Variants in GABRG3 observed in about 807,000 individuals in gnomAD.
GABRG3 encodes gamma-aminobutyric acid type A receptor subunit gamma3, also known as gamma-aminobutyric acid receptor subunit gamma-3.
Under a neutral mutation model 48.8 loss-of-function variants are expected in GABRG3, and 25 were observed. The observed-to-expected ratio is 0.51, with a 90% CI of 0.37 to 0.72. GABRG3 has a LOEUF of 0.72. Ranked by LOEUF, GABRG3 falls within the 30% of genes least tolerant of loss-of-function variation. The pLI is 0.00. For missense variants in GABRG3, 394 were observed against 577.9 expected, an observed-to-expected ratio of 0.68 and a Z score of 3.26; for synonymous variants, 227 against 217.6, an observed-to-expected ratio of 1.04 and a Z score of -0.38.
At chr15:27,043,908 G>A (rs879366016) in intron 3 of GABRG3, among the ~76,000 whole-genome samples, 11 of 152,158 alleles carry the variant, frequency 7.2e-5, no homozygotes, top group East Asian at 1.9e-4. Flanking sequence ...TTCCAGAGCC[G>A]TCTCCTGCCT....
At chr15:27,195,367 C>T (rs1051343668) in intron 3 of GABRG3, among the ~76,000 whole-genome samples, 4 of 152,202 alleles carry the variant, frequency 2.6e-5, no homozygotes, top group African/African-American at 9.6e-5. Context: ...CTGTCTCACT[C>T]TGTCACCAGG....
chr15:27,010,869 G>A (rs1408297023), intron 2 of GABRG3, among the ~76,000 whole-genome samples: 2 of 152,040 alleles, frequency 1.3e-5, no homozygotes, highest in Admixed American at 1.3e-4. Flanking sequence ...TTTTTGATAT[G>A]GAGTGTCACT....
At chr15:27,273,451 A>G (rs1401548253) in intron 3 of GABRG3, among the ~76,000 whole-genome samples, 2 of 152,220 alleles carry the variant, frequency 1.3e-5, no homozygotes, top group Admixed American at 6.5e-5. Flanking sequence ...ATCCATCACT[A>G]CCAAGACATT....
At chr15:27,062,026 G>A (rs2140723858) in intron 3 of GABRG3, among the ~76,000 whole-genome samples, 1 of 152,296 alleles carries the variant, frequency 6.6e-6, no homozygotes, top group East Asian at 1.9e-4. Flanking sequence ...GCCTTCTGGA[G>A]TGCTACAGAA....
intron 5 of GABRG3, among the ~76,000 whole-genome samples, chr15:27,461,124 G>T (rs1889435249): frequency 6.6e-6 from 1 of 152,150 alleles, no homozygotes; most frequent in Admixed American, 6.5e-5. Context: ...GGGTCCCGCA[G>T]TTCAAGATGT....
chr15:27,429,009 A>G (rs1226954821), intron 5 of GABRG3, among the ~76,000 whole-genome samples: 3 of 152,256 alleles, frequency 2.0e-5, no homozygotes, highest in Admixed American at 2.0e-4. Flanking sequence ...ACTGATGAAT[A>G]TATTTTAAAA....
intron 5 of GABRG3, among the ~76,000 whole-genome samples, chr15:27,472,397 T>C (rs903284109): frequency 6.6e-6 from 1 of 152,172 alleles, no homozygotes; most frequent in Non-Finnish European, 1.5e-5. Context: ...AGCCTCAACC[T>C]CCTGAGTAGC....
chr15:27,192,988 C>CTGGATAT (rs1888372603), intron 3 of GABRG3, among the ~76,000 whole-genome samples: 1 of 152,184 alleles, frequency 6.6e-6, no homozygotes, highest in East Asian at 1.9e-4. Flanking sequence ...CCACTCCAGA[C>CTGGATAT]CCTGTTTGCC....
intron 3 of GABRG3, among the ~76,000 whole-genome samples, chr15:27,256,411 AG>A (rs777302250): frequency 1.9e-3 from 273 of 147,234 alleles, no homozygotes; most frequent in Non-Finnish European, 2.8e-3. Context: ...ACTGCACTCC[AG>A]CCTGGGCGAC....
At chr15:27,437,023 GA>G (rs1888636822) in intron 5 of GABRG3, among the ~76,000 whole-genome samples, 2 of 151,328 alleles carry the variant, frequency 1.3e-5, no homozygotes, top group South Asian at 2.1e-4. Context: ...GAGAGAGAGA[GA>G]GAGAGAGAGC....
chr15:27,207,033 T>C (rs34467119), intron 3 of GABRG3, among the ~76,000 whole-genome samples: 40,669 of 152,092 alleles, frequency 0.27, 6,134 homozygotes, highest in South Asian at 0.45. Context: ...GAGTGGGGTG[T>C]TTAGTCCATT....
chr15:27,475,805 AATG>A (rs1016115530), intron 5 of GABRG3, among the ~76,000 whole-genome samples: 10 of 151,116 alleles, frequency 6.6e-5, no homozygotes, highest in South Asian at 6.3e-4. Flanking sequence ...TGATGATGGT[AATG>A]ATGATTATGA....
intron 3 of GABRG3, among the ~76,000 whole-genome samples, chr15:27,325,732 C>T (rs1294361229): frequency 6.6e-6 from 1 of 151,930 alleles, no homozygotes; most frequent in African/African-American, 2.4e-5. Context: ...CTCAGTGAAG[C>T]AAAGAAATGA....
intron 3 of GABRG3, among the ~76,000 whole-genome samples, chr15:27,246,415 T>C (rs1419473758): frequency 6.6e-6 from 1 of 152,182 alleles, no homozygotes; most frequent in Non-Finnish European, 1.5e-5. Context: ...ACTTATTCCA[T>C]TTCCAAATGG....
At chr15:27,263,114 G>A (rs1677651072) in intron 3 of GABRG3, among the ~76,000 whole-genome samples, 3 of 152,214 alleles carry the variant, frequency 2.0e-5, no homozygotes, top group African/African-American at 4.8e-5. Context: ...CAGAACGCTA[G>A]TGCCGCATCA....
intron 3 of GABRG3, among the ~76,000 whole-genome samples, chr15:27,064,160 A>T (rs1276873916): frequency 6.6e-6 from 1 of 152,226 alleles, no homozygotes; most frequent in Non-Finnish European, 1.5e-5. Flanking sequence ...GTACAGAGGA[A>T]GTCCGCAGCC....
chr15:26,978,345 T>A (rs1894990352), intron 2 of GABRG3, among the ~76,000 whole-genome samples: 1 of 152,148 alleles, frequency 6.6e-6, no homozygotes, highest in Non-Finnish European at 1.5e-5. Context: ...ATCCAATTTA[T>A]TGATTTTTTT....
Position 27,057,813 on chromosome 15 carries a change from C to T in GABRG3, c.270+30992C>T, listed in dbSNP as rs970231532. The stretch of plus-strand genomic sequence containing the variant: ...TCGAGACATAGAAAAGCCATGTTTA[C>T]TTGCCTCAAAGAAGTCCCACTGATG... On this transcript the variant is annotated intron_variant, in intron 3 of 9. Transcript: ENST00000615808. Among the ~76,000 whole-genome samples the T allele has an allele frequency of 2.6e-5, 4 of 152,184 alleles. No homozygotes were observed. In the South Asian group the frequency reaches 8.3e-4, roughly 32 times the overall value.
chr15:27,069,836 C>T (rs973355341), intron 3 of GABRG3, among the ~76,000 whole-genome samples: 4 of 152,182 alleles, frequency 2.6e-5, no homozygotes, highest in Admixed American at 6.5e-5. Context: ...ATGCCTTGGT[C>T]GTTAATATCC....
Sources: gnomAD v4.1 joint callset for allele counts (sites outside exome capture counted in the v4.1 genomes callset) on GRCh38, gnomAD v4.1.1 for gene constraint, MANE v1.5 for transcripts, NCBI Gene and HGNC (gene_info 2026-07-23, HGNC 2026-07-21) for gene names.